Variants in RPH3A observed in about 807,000 individuals in gnomAD.
The protein encoded by RPH3A is rabphilin 3A, also known as rabphilin-3A.
In RPH3A, 48 loss-of-function variants were observed where a neutral mutation model predicts 102.2. That is an observed-to-expected ratio of 0.47 (90% CI 0.37 to 0.60). The LOEUF is 0.60. Ranked by LOEUF, RPH3A falls within the 20% of genes least tolerant of loss-of-function variation. The pLI, the probability that RPH3A is intolerant of heterozygous loss-of-function variation, is 0.00. For missense variants in RPH3A, 781 were observed against 910.1 expected (o/e 0.86, Z 1.83); for synonymous variants, 310 against 324.3 (o/e 0.96, Z 0.47).
At chr12:112,803,118 A>G (rs2041386164) in intron 2 of RPH3A, among the ~76,000 whole-genome samples, 1 of 151,986 alleles carries the variant, frequency 6.6e-6, no homozygotes, top group African/African-American at 2.4e-5. Context: ...ATTGGTTACT[A>G]TGGGGTGGTC....
intron 1 of RPH3A, among the ~76,000 whole-genome samples, chr12:112,680,670 A>G (rs1180331575): frequency 1.3e-5 from 2 of 152,138 alleles, no homozygotes; most frequent in Non-Finnish European, 2.9e-5. Context: ...TCTACCCCAC[A>G]GGACTTCTGG....
At chr12:112,839,027 A>T (rs746239806) in intron 4 of RPH3A, among the ~76,000 whole-genome samples, 2 of 152,112 alleles carry the variant, frequency 1.3e-5, no homozygotes, top group Non-Finnish European at 2.9e-5. Context: ...CTCTCCAGTC[A>T]TGATTCTTGG....
At chr12:112,848,674 G>C (rs898822543) in intron 5 of RPH3A, among the ~76,000 whole-genome samples, 3 of 152,164 alleles carry the variant, frequency 2.0e-5, no homozygotes, top group Non-Finnish European at 4.4e-5. Flanking sequence ...CAGAGGGTGG[G>C]GATAATGAAA....
chr12:112,713,430 A>G (rs538033960), intron 1 of RPH3A, among the ~76,000 whole-genome samples: 1 of 152,314 alleles, frequency 6.6e-6, no homozygotes, highest in Admixed American at 6.5e-5. Flanking sequence ...AAGGATTTGT[A>G]GTAAAATCAA....
intron 1 of RPH3A, among the ~76,000 whole-genome samples, chr12:112,654,012 G>A (rs2039993990): frequency 1.3e-5 from 2 of 152,134 alleles, no homozygotes; most frequent in Admixed American, 1.3e-4. Flanking sequence ...AGTCAAGATC[G>A]TTACCTTCCA....
intron 1 of RPH3A, among the ~76,000 whole-genome samples, chr12:112,738,651 G>T (rs563364247): frequency 1.2e-4 from 18 of 152,240 alleles, no homozygotes; most frequent in African/African-American, 4.1e-4. Context: ...TTTGTTTGGG[G>T]AGCTGCACTA....
intron 1 of RPH3A, among the ~76,000 whole-genome samples, chr12:112,694,147 C>A (rs376242443): frequency 6.6e-6 from 1 of 152,218 alleles, no homozygotes; most frequent in African/African-American, 2.4e-5. Flanking sequence ...CCTTTGCCTG[C>A]GGTGCTCTTC....
At chr12:112,757,654 T>C (rs1482766109) in intron 1 of RPH3A, among the ~76,000 whole-genome samples, 1 of 152,116 alleles carries the variant, frequency 6.6e-6, no homozygotes, top group Non-Finnish European at 1.5e-5. Context: ...TTATGATATA[T>C]CAATTAAACA....
intron 1 of RPH3A, among the ~76,000 whole-genome samples, chr12:112,633,978 G>A (rs2135987586): frequency 6.6e-6 from 1 of 152,300 alleles, no homozygotes; most frequent in South Asian, 2.1e-4. Flanking sequence ...GTCAAGATGG[G>A]AAGCAAACAC....
At chr12:112,689,241 A>G (rs1002883232) in intron 1 of RPH3A, among the ~76,000 whole-genome samples, 1 of 152,112 alleles carries the variant, frequency 6.6e-6, no homozygotes, top group Non-Finnish European at 1.5e-5. Context: ...GACAATAGGG[A>G]GTGGTGGGGA....
chr12:112,750,968 A>G (rs547555408), intron 1 of RPH3A, among the ~76,000 whole-genome samples: 1 of 152,128 alleles, frequency 6.6e-6, no homozygotes, highest in African/African-American at 2.4e-5. Context: ...TCTTGAAACC[A>G]TGGAGAGACA....
Position 112,896,949 on chromosome 12 carries a change from C to G in RPH3A, c.*169C>G. The G allele has an allele frequency of 1.6e-6, 1 of 642,224 alleles. No homozygotes were observed. The highest frequency in any genetic ancestry group is 2.7e-6 in the Non-Finnish European group (1 of 376,938). The allele number at this position is 642,224 out of a possible 1,614,324, so 39.8% of individuals were successfully genotyped here. A position where few individuals can be genotyped will look rare whatever the true frequency, so the allele number is the denominator to read the frequency against. On this transcript the variant is annotated 3_prime_UTR_variant, in exon 22 of 22. Transcript: ENST00000389385. ...CGTTGGGCACTGCTGCCAAAGACTCCCTCCTCCCTGATGCTGGGATGTGGG... is the reference window on the plus strand; with the variant it reads ...CGTTGGGCACTGCTGCCAAAGACTCGCTCCTCCCTGATGCTGGGATGTGGG...
At chr12:112,858,816 A>C (rs551256300) in intron 5 of RPH3A, among the ~76,000 whole-genome samples, 1 of 152,296 alleles carries the variant, frequency 6.6e-6, no homozygotes, top group East Asian at 1.9e-4. Flanking sequence ...CCACCTCCAG[A>C]GGCCATCCAT....
chr12:112,711,845 T>C (rs1030600367), intron 1 of RPH3A, among the ~76,000 whole-genome samples: 2 of 152,200 alleles, frequency 1.3e-5, no homozygotes, highest in Non-Finnish European at 2.9e-5. Flanking sequence ...TTTTTTTCTT[T>C]TTTTGAGACA....
rs1375305677 is a variant in RPH3A at position 112,875,331 on chromosome 12, G to T, written c.883+161G>T. Among the ~76,000 whole-genome samples the T allele has an allele frequency of 2.6e-5, 4 of 152,038 alleles. 1 individual carries two copies. The highest frequency in any genetic ancestry group is 9.7e-5 in the African/African-American group (4 of 41,380). The stretch of plus-strand genomic sequence containing the variant: ...GACCCTTACAACCAGTAATTCCCTG[G>T]GCCAAGAAGCTGGGCAGGGAGTGGG... On this transcript the variant is annotated intron_variant, in intron 11 of 21. Coordinates refer to ENST00000389385, the MANE Select transcript of RPH3A (RefSeq NM_001143854.2).
rs2043196376 is a variant in RPH3A at position 112,897,240 on chromosome 12, G to A, written c.*460G>A. Reference sequence around the variant, plus strand: ...TGTCAGCAGACCCGGACAATGCTGTGAGAGAAGCATTGGGGCACAAATAGA... The same window carrying A: ...TGTCAGCAGACCCGGACAATGCTGTAAGAGAAGCATTGGGGCACAAATAGA... On this transcript the variant is annotated 3_prime_UTR_variant, in exon 22 of 22. Coordinates refer to ENST00000389385, the MANE Select transcript of RPH3A (RefSeq NM_001143854.2). 1 of 161,802 alleles carries A rather than the reference G, an allele frequency of 6.2e-6. No homozygotes were observed. Among genetic ancestry groups the A allele is most frequent in the Non-Finnish European group, 1.4e-5 (1 of 73,306 alleles). 10.0% of individuals were successfully genotyped at this position (161,802 alleles called of 1,614,324 possible).
At chr12:112,618,465 A>C (rs536488259) in intron 1 of RPH3A, among the ~76,000 whole-genome samples, 1 of 152,268 alleles carries the variant, frequency 6.6e-6, no homozygotes, top group African/African-American at 2.4e-5. Context: ...TTGGGATCAT[A>C]TCTTGCTAGT....
chr12:112,713,051 C>T (rs12302489), intron 1 of RPH3A, among the ~76,000 whole-genome samples: 11,876 of 84,912 alleles, frequency 0.14, 1,578 homozygotes, highest in African/African-American at 0.28. Flanking sequence ...TTCTTCTTCT[C>T]CTTCTTCTTC....
intron 1 of RPH3A, among the ~76,000 whole-genome samples, chr12:112,708,724 T>C (rs986944154): frequency 2.0e-5 from 3 of 152,100 alleles, no homozygotes; most frequent in Non-Finnish European, 4.4e-5. Flanking sequence ...CTGATCTCCA[T>C]GACCTCAGAG....
Sources: allele counts gnomAD v4.1 joint callset (sites outside exome capture counted in the v4.1 genomes callset), GRCh38; gene constraint gnomAD v4.1.1; transcripts MANE v1.5; gene names NCBI Gene and HGNC (gene_info 2026-07-23, HGNC 2026-07-21).